Variants in SGIP1 observed in about 807,000 individuals in gnomAD.
The protein encoded by SGIP1 is SH3GL interacting endocytic adaptor 1, also known as SH3-containing GRB2-like protein 3-interacting protein 1.
A neutral mutation model predicts 107.5 loss-of-function variants in SGIP1; 38 were observed. The ratio of observed to expected loss-of-function variants is 0.35; its 90% CI spans 0.27 to 0.46. The LOEUF (loss-of-function observed/expected upper bound fraction) is 0.46, where lower values mean the gene tolerates loss of function less well. Among genes scored for constraint, SGIP1 ranks in the 20% least tolerant of loss-of-function variants. The pLI, the probability that SGIP1 is intolerant of heterozygous loss-of-function variation, is 1.00. For missense variants in SGIP1, 929 were observed against 1,019.5 expected, an observed-to-expected ratio of 0.91 and a Z score of 1.21; for synonymous variants, 365 against 366.1, an observed-to-expected ratio of 1.00 and a Z score of 0.03.
chr1:66,655,053 G>A (rs140202182), intron 7 of SGIP1, among the ~76,000 whole-genome samples: 109 of 152,242 alleles, frequency 7.2e-4, no homozygotes, highest in African/African-American at 1.9e-3. Context: ...TCATAACCAG[G>A]TATTTTCTGA....
In SGIP1 at chr1:66,675,624, C is replaced by T. The variant is rs548589847; in HGVS notation, c.647-1380C>T. The stretch of plus-strand genomic sequence containing the variant: ...GCAAGTTCTTAGCTCACTGCAGCCT[C>T]GACCTCCCACAGCGATCCTCCCACC... On this transcript the variant is annotated intron_variant, in intron 12 of 24. Transcript: ENST00000371037. 1.4e-3 allele frequency among the ~76,000 whole-genome samples: 202 copies of T among 145,954 alleles called. 1 individual carries two copies. The highest frequency in any genetic ancestry group is 5.1e-3 in the African/African-American group (197 of 38,966).
At position 66,750,037 on chromosome 1, in the gene SGIP1, GT is replaced by G. The variant is rs1557865998; in HGVS notation, c.*6943del. 5.5e-3 allele frequency among the ~76,000 whole-genome samples: 446 copies of G among 80,668 alleles called. 1 individual carries two copies. The highest frequency in any genetic ancestry group is 0.012 in the African/African-American group (276 of 22,390). 52.9% of individuals were successfully genotyped at this position (80,668 alleles called of 152,430 possible). The stretch of plus-strand genomic sequence containing the variant: ...TCTCTTTCTCTGTGTGTGTGTGGGG[GT>G]GTGTGTGTGTGTGTGTGTGTGTGTG... On this transcript the variant is annotated 3_prime_UTR_variant, in exon 25 of 25. Coordinates refer to ENST00000371037, the MANE Select transcript of SGIP1 (RefSeq NM_032291.4).
chr1:66,566,963 T>G (rs1214844383), intron 1 of SGIP1, among the ~76,000 whole-genome samples: 1 of 152,044 alleles, frequency 6.6e-6, no homozygotes, highest in Non-Finnish European at 1.5e-5. Context: ...CATGCAGTGT[T>G]TTGTTTTCTG....
intron 1 of SGIP1, among the ~76,000 whole-genome samples, chr1:66,549,691 A>C (rs1173458367): frequency 6.6e-6 from 1 of 152,184 alleles, no homozygotes; most frequent in Non-Finnish European, 1.5e-5. Flanking sequence ...AACTTGCTAC[A>C]AGATGATACC....
At chr1:66,653,850 T>G (rs1462935336) in intron 7 of SGIP1, among the ~76,000 whole-genome samples, 1 of 152,256 alleles carries the variant, frequency 6.6e-6, no homozygotes, top group Non-Finnish European at 1.5e-5. Context: ...AATTTAAAAC[T>G]ATTTTGATTA....
At chr1:66,566,728 T>C (rs2059692266) in intron 1 of SGIP1, among the ~76,000 whole-genome samples, 2 of 152,070 alleles carry the variant, frequency 1.3e-5, no homozygotes, top group African/African-American at 2.4e-5. Flanking sequence ...AGTTCTGGCA[T>C]ACACGTGCAG....
intron 1 of SGIP1, among the ~76,000 whole-genome samples, chr1:66,608,115 ACTAT>A (rs1477201088): frequency 6.6e-6 from 1 of 152,210 alleles, no homozygotes; most frequent in Admixed American, 6.5e-5. Flanking sequence ...CAGGCTCATC[ACTAT>A]CTATCCATGC....
intron 1 of SGIP1, among the ~76,000 whole-genome samples, chr1:66,611,481 A>C (rs2067991254): frequency 6.6e-6 from 1 of 152,222 alleles, no homozygotes; most frequent in Admixed American, 6.5e-5. Context: ...CTTTGTTTCC[A>C]GTGTCTCCCA....
At chr1:66,634,406 T>A (rs12760606) in intron 3 of SGIP1, among the ~76,000 whole-genome samples, 57,940 of 151,638 alleles carry the variant, frequency 0.38, 12,126 homozygotes, top group East Asian at 0.78. Flanking sequence ...ATTCTCTGTG[T>A]TCTGAGCAGC....
intron 18 of SGIP1, among the ~76,000 whole-genome samples, chr1:66,706,555 A>G (rs2150294213): frequency 6.6e-6 from 1 of 150,886 alleles, no homozygotes; most frequent in Non-Finnish European, 1.5e-5. Flanking sequence ...AGATGACAAA[A>G]GAAAAAAGAA....
At chr1:66,547,028 G>T (rs1464561200) in intron 1 of SGIP1, among the ~76,000 whole-genome samples, 2 of 151,426 alleles carry the variant, frequency 1.3e-5, no homozygotes, top group African/African-American at 4.8e-5. Context: ...TTTGAAAGCT[G>T]TAAAATTTTT....
chr1:66,660,140 GAAGAGAGA>G (rs1557501879), intron 7 of SGIP1: 2 of 60,620 alleles, frequency 3.3e-5, no homozygotes, highest in South Asian at 8.9e-4. Context: ...AAGAAAGAAA[GAAGAGAGA>G]AAGAAAGAAA....
chr1:66,585,099 C>T (rs115984783), intron 1 of SGIP1, among the ~76,000 whole-genome samples: 23 of 152,292 alleles, frequency 1.5e-4, no homozygotes, highest in Admixed American at 5.2e-4. Context: ...TATTTCTTCC[C>T]TCTGGGTCTA....
At chr1:66,674,241 T>C (rs1446136624) in intron 12 of SGIP1, among the ~76,000 whole-genome samples, 7 of 152,062 alleles carry the variant, frequency 4.6e-5, no homozygotes, top group Non-Finnish European at 1.0e-4. Flanking sequence ...AGTTTACTTA[T>C]TAAATATTTA....
rs1474950141 is a variant in SGIP1 at position 66,746,671 on chromosome 1, G to T, written c.*3576G>T. 1.3e-5 allele frequency: 2 copies of T among 151,970 alleles called. No individual in the cohort carries two copies. The highest frequency in any genetic ancestry group is 4.8e-5 in the African/African-American group (2 of 41,414). 9.4% of individuals were successfully genotyped at this position (151,970 alleles called of 1,614,324 possible). On this transcript the variant is annotated 3_prime_UTR_variant, in exon 25 of 25. Transcript: ENST00000371037. Reference sequence around the variant, plus strand: ...CTGTTTTACAAGTGATGACACTGAGGCTTAAATAGAATAATCTCCCCAAAA... The same window carrying T: ...CTGTTTTACAAGTGATGACACTGAGTCTTAAATAGAATAATCTCCCCAAAA...
At chr1:66,698,750 G>C (rs1291793541) in intron 18 of SGIP1, among the ~76,000 whole-genome samples, 1 of 152,078 alleles carries the variant, frequency 6.6e-6, no homozygotes, top group East Asian at 1.9e-4. Context: ...TGAGGTGGGA[G>C]GGCAAGATAT....
intron 7 of SGIP1, among the ~76,000 whole-genome samples, chr1:66,658,683 A>C (rs2080270455): frequency 6.6e-6 from 1 of 152,242 alleles, no homozygotes; most frequent in African/African-American, 2.4e-5. Flanking sequence ...AATCAAGTGG[A>C]GATATCTAAA....
chr1:66,557,984 G>A (rs1209733497), intron 1 of SGIP1, among the ~76,000 whole-genome samples: 4 of 152,124 alleles, frequency 2.6e-5, no homozygotes, highest in African/African-American at 9.7e-5. Context: ...TGAGCTCTGC[G>A]AGGATGGGGA....
At chr1:66,720,843 G>A (rs1469393840) in intron 19 of SGIP1, among the ~76,000 whole-genome samples, 2 of 152,102 alleles carry the variant, frequency 1.3e-5, no homozygotes, top group Admixed American at 6.6e-5. Flanking sequence ...TTAGAACTTG[G>A]ATCTCCATAT....
Sources: allele counts gnomAD v4.1 joint callset (sites outside exome capture counted in the v4.1 genomes callset), GRCh38; gene constraint gnomAD v4.1.1; transcripts MANE v1.5; gene names NCBI Gene and HGNC (gene_info 2026-07-23, HGNC 2026-07-21).